The following CSTPP1 variants were observed in gnomAD, a reference collection of about 807,000 sequenced individuals.
CSTPP1 encodes the protein centriolar satellite-associated tubulin polyglutamylase complex regulator 1.
the CSTPP1 span, among the ~76,000 whole-genome samples, chr11:46,970,759 A>T: frequency 6.6e-6 from 1 of 152,148 alleles, no homozygotes; most frequent in Non-Finnish European, 1.5e-5. Flanking sequence ...ACAGAAAATA[A>T]ATGACACAAA....
At chr11:47,036,056 T>TATATATATATATATATA in the CSTPP1 span, among the ~76,000 whole-genome samples, 1 of 9,640 alleles carries the variant, frequency 1.0e-4, no homozygotes, top group East Asian at 5.0e-4. Context: ...TATATATATA[T>TATATATATATATATATA]TATATATATA....
the CSTPP1 span, among the ~76,000 whole-genome samples, chr11:47,083,838 CT>C: frequency 6.6e-6 from 1 of 152,112 alleles, no homozygotes; most frequent in African/African-American, 2.4e-5. Context: ...GCACACTTTG[CT>C]TTTTGTTTGC....
the CSTPP1 span, among the ~76,000 whole-genome samples, chr11:46,945,864 TG>T: frequency 6.6e-6 from 1 of 152,184 alleles, no homozygotes; most frequent in South Asian, 2.1e-4. Context: ...GTAAAGAGTA[TG>T]TGACCTATAT....
At chr11:46,988,356 T>C in the CSTPP1 span, among the ~76,000 whole-genome samples, 2 of 152,330 alleles carry the variant, frequency 1.3e-5, no homozygotes, top group East Asian at 1.9e-4. Flanking sequence ...GTGGTACATA[T>C]ACACAATGGA....
chr11:47,135,086 G>C, the CSTPP1 span, among the ~76,000 whole-genome samples: 1 of 152,008 alleles, frequency 6.6e-6, no homozygotes, highest in South Asian at 2.1e-4. Flanking sequence ...CTGGGTAACA[G>C]AGTGAGGCCC....
the CSTPP1 span, among the ~76,000 whole-genome samples, chr11:46,998,631 T>G: frequency 6.6e-6 from 1 of 152,208 alleles, no homozygotes; most frequent in Non-Finnish European, 1.5e-5. Flanking sequence ...GTAAGTATAA[T>G]TTGGTAGACA....
the CSTPP1 span, among the ~76,000 whole-genome samples, chr11:46,963,301 A>G: frequency 4.6e-4 from 67 of 147,142 alleles, no homozygotes; most frequent in Non-Finnish European, 4.5e-4. Flanking sequence ...TTTTATTCCT[A>G]GTTTGTTTAG....
At chr11:46,960,563 A>G in the CSTPP1 span, among the ~76,000 whole-genome samples, 115 of 152,292 alleles carry the variant, frequency 7.6e-4, no homozygotes, top group Middle Eastern at 6.8e-3. Context: ...TAATGTTTTT[A>G]AGATTCATCG....
At chr11:47,164,244 A>G in the CSTPP1 span, 1 of 1,613,034 alleles carries the variant, frequency 6.2e-7, no homozygotes, top group Non-Finnish European at 8.5e-7. Context: ...GTGGGAGCCC[A>G]GAGAGTGAGG....
At chr11:47,062,852 G>A in the CSTPP1 span, among the ~76,000 whole-genome samples, 420 of 152,302 alleles carry the variant, frequency 2.8e-3, 3 homozygotes, top group African/African-American at 9.4e-3. Flanking sequence ...AGTTTCACTT[G>A]AAGAATGGAA....
At chr11:47,083,359 A>G in the CSTPP1 span, among the ~76,000 whole-genome samples, 1 of 152,206 alleles carries the variant, frequency 6.6e-6, no homozygotes, top group Non-Finnish European at 1.5e-5. Flanking sequence ...ATCCATTGAT[A>G]GACATTGGAT....
the CSTPP1 span, among the ~76,000 whole-genome samples, chr11:46,989,890 A>G: frequency 6.6e-6 from 1 of 152,190 alleles, no homozygotes; most frequent in African/African-American, 2.4e-5. Flanking sequence ...AAGTGAGAAC[A>G]TGTGGTATTT....
the CSTPP1 span, among the ~76,000 whole-genome samples, chr11:47,000,273 T>C: frequency 2.0e-5 from 3 of 152,038 alleles, no homozygotes; most frequent in Admixed American, 6.5e-5. Flanking sequence ...AAAGATAAAA[T>C]GAGAAATGTG....
At chr11:47,130,517 C>G in the CSTPP1 span, among the ~76,000 whole-genome samples, 3 of 152,172 alleles carry the variant, frequency 2.0e-5, no homozygotes, top group South Asian at 2.1e-4. Context: ...AATAACACAG[C>G]CTTCTCTTCT....
At chr11:47,087,032 AG>A in the CSTPP1 span, among the ~76,000 whole-genome samples, 78 of 152,344 alleles carry the variant, frequency 5.1e-4, no homozygotes, top group Admixed American at 1.5e-3. Flanking sequence ...AACAAGGAGA[AG>A]GAATATAGGC....
At chr11:46,969,095 A>AT in the CSTPP1 span, among the ~76,000 whole-genome samples, 1 of 151,992 alleles carries the variant, frequency 6.6e-6, no homozygotes, top group South Asian at 2.1e-4. Flanking sequence ...AGATCTGAAC[A>AT]TTTTTTTTAA....
chr11:47,013,547 GC>G, the CSTPP1 span, among the ~76,000 whole-genome samples: 2 of 152,112 alleles, frequency 1.3e-5, no homozygotes, highest in African/African-American at 4.8e-5. Context: ...ATGGCTTCCA[GC>G]TCCATCCATG....
At chr11:46,949,584 CAAACTT>C in the CSTPP1 span, among the ~76,000 whole-genome samples, 1,448 of 151,796 alleles carry the variant, frequency 9.5e-3, 14 homozygotes, top group Admixed American at 0.016. Flanking sequence ...AAATGAGAAA[CAAACTT>C]AGAAGGAAAA....
At chr11:46,993,196 ACTCTGATGG>A in the CSTPP1 span, among the ~76,000 whole-genome samples, 1 of 151,876 alleles carries the variant, frequency 6.6e-6, no homozygotes, top group African/African-American at 2.4e-5. Context: ...TTGCCTGTTC[ACTCTGATGG>A]TAGTTTCTTT....
Sources: gnomAD v4.1 joint callset for allele counts (sites outside exome capture counted in the v4.1 genomes callset) on GRCh38, gnomAD v4.1.1 for gene constraint, MANE v1.5 for transcripts, NCBI Gene and HGNC (gene_info 2026-07-23, HGNC 2026-07-21) for gene names.